ARHGEF4: variants seen among roughly 807,000 people sequenced by gnomAD.
ARHGEF4 encodes Rho guanine nucleotide exchange factor 4, also known as APC-stimulated guanine nucleotide exchange factor 1.
Under a neutral mutation model 162.0 loss-of-function variants are expected in ARHGEF4, and 119 were observed. The ratio of observed to expected loss-of-function variants is 0.73; its 90% CI spans 0.63 to 0.86. The LOEUF (loss-of-function observed/expected upper bound fraction) is 0.86, where lower values mean the gene tolerates loss of function less well. Ranked by LOEUF, ARHGEF4 falls within the 40% of genes least tolerant of loss-of-function variation. The probability of loss-of-function intolerance (pLI) is 0.00; values close to 1 mark genes in which losing one functional copy is unlikely to be tolerated. For missense variants in ARHGEF4, 2,488 were observed against 2,456.0 expected (o/e 1.01, Z -0.28); for synonymous variants, 1,014 against 979.9 (o/e 1.03, Z -0.65).
chr2:130,875,264 C>T (rs370706049), intron 1 of ARHGEF4, among the ~76,000 whole-genome samples: 9 of 152,152 alleles, frequency 5.9e-5, no homozygotes, highest in African/African-American at 1.7e-4. Flanking sequence ...ATCTACAGAT[C>T]GATGGCCCCA....
At chr2:130,903,310 G>A (rs556270625) in intron 1 of ARHGEF4, among the ~76,000 whole-genome samples, 1 of 150,660 alleles carries the variant, frequency 6.6e-6, no homozygotes, top group African/African-American at 2.4e-5. Flanking sequence ...CCAGGCTAGA[G>A]TGCAGTGGCG....
At chr2:130,901,179 G>A (rs1396387933) in intron 1 of ARHGEF4, among the ~76,000 whole-genome samples, 1 of 152,174 alleles carries the variant, frequency 6.6e-6, no homozygotes, top group Non-Finnish European at 1.5e-5. Flanking sequence ...CTTCTCCACT[G>A]TTGGGTGGAG....
chr2:130,979,500 C>T (rs1685969927), intron 4 of ARHGEF4, among the ~76,000 whole-genome samples: 1 of 152,030 alleles, frequency 6.6e-6, no homozygotes, highest in Admixed American at 6.6e-5. Context: ...CTTTGGGAGG[C>T]CGAGGTGGGC....
intron 5 of ARHGEF4, chr2:131,034,963 G>A: frequency 2.0e-6 from 2 of 983,144 alleles, no homozygotes; most frequent in Non-Finnish European, 2.4e-6. Context: ...CGCGCACGGC[G>A]CCGGCTTCGC....
At chr2:130,940,817 G>A (rs1013754686) in intron 3 of ARHGEF4, among the ~76,000 whole-genome samples, 1 of 138,462 alleles carries the variant, frequency 7.2e-6, no homozygotes, top group African/African-American at 2.7e-5. Flanking sequence ...GGGTGACAGA[G>A]CGAGACTCCG....
At chr2:131,040,548 G>A in intron 8 of ARHGEF4, 108 bp downstream of exon 8, 1 of 1,275,898 alleles carries the variant, frequency 7.8e-7, no homozygotes, top group Non-Finnish European at 1.1e-6. Context: ...CACAACGCCT[G>A]GGCCCCAGCT....
At chr2:131,035,851 TG>T in intron 5 of ARHGEF4, 3 of 985,118 alleles carry the variant, frequency 3.0e-6, no homozygotes, top group Non-Finnish European at 3.6e-6. Flanking sequence ...GTGGGCAGGG[TG>T]GGGAGGGCAG....
chr2:130,850,542 C>A (rs1245613470), intron 1 of ARHGEF4, among the ~76,000 whole-genome samples: 1 of 152,222 alleles, frequency 6.6e-6, no homozygotes, highest in Non-Finnish European at 1.5e-5. Flanking sequence ...TGCCCAACAC[C>A]TCCCCCCTGC....
chr2:130,903,608 C>A (rs1680641212), intron 1 of ARHGEF4, among the ~76,000 whole-genome samples: 1 of 152,124 alleles, frequency 6.6e-6, no homozygotes. Flanking sequence ...TTACATGTTG[C>A]ATGACGCTGA....
At chr2:130,967,984 C>T (rs1201209379) in intron 4 of ARHGEF4, among the ~76,000 whole-genome samples, 1 of 152,178 alleles carries the variant, frequency 6.6e-6, no homozygotes, top group Non-Finnish European at 1.5e-5. Context: ...TTCCCCAAGC[C>T]TTGGTGTTCA....
In ARHGEF4 at chr2:130,916,063, G is replaced by T; in HGVS notation, c.2117G>T (p.Arg706Leu). The change falls in exon 2 of 14, where the codon CGG becomes CTG. Residue 706 changes from arginine to leucine, a missense_variant. Coordinates refer to ENST00000409359, the MANE Select transcript of ARHGEF4 (RefSeq NM_001367493.1). ...GGAGCTGGCGATGGGGCTCTTCAGC[G>T]GGTGGCCCAGGCCGCAGAGCTTGGG... Reference protein sequence around the residue: ...IQGAGDGALQRVAQAAELGRV... With the variant: ...IQGAGDGALQLVAQAAELGRV... 3 of 1,550,184 alleles carry T rather than the reference G, an allele frequency of 1.9e-6. No homozygotes were observed. The highest frequency in any genetic ancestry group is 2.7e-5 in the African/African-American group (2 of 73,142).
At chr2:130,846,061 C>G (rs754688969) in intron 1 of ARHGEF4, among the ~76,000 whole-genome samples, 1 of 151,768 alleles carries the variant, frequency 6.6e-6, no homozygotes, top group Non-Finnish European at 1.5e-5. Flanking sequence ...TCGATCAAGC[C>G]AGGCCCACCT....
At chr2:130,990,244 G>A (rs980603186) in intron 4 of ARHGEF4, among the ~76,000 whole-genome samples, 12 of 152,126 alleles carry the variant, frequency 7.9e-5, no homozygotes, top group East Asian at 1.9e-4. Flanking sequence ...CTGTAGCTGA[G>A]GGGAAAATAT....
chr2:130,880,977 CTCTT>C (rs1456157122), intron 1 of ARHGEF4, among the ~76,000 whole-genome samples: 6 of 152,124 alleles, frequency 3.9e-5, no homozygotes, highest in African/African-American at 1.4e-4. Context: ...TTCTGTAAAT[CTCTT>C]TCCTTCTTTG....
chr2:130,912,924 A>G (rs899765716), intron 1 of ARHGEF4, among the ~76,000 whole-genome samples: 33 of 152,348 alleles, frequency 2.2e-4, no homozygotes, highest in African/African-American at 7.2e-4. Flanking sequence ...ACCACTTCAC[A>G]TAACTTTTGT....
chr2:130,978,009 A>T (rs1344390584), intron 4 of ARHGEF4, among the ~76,000 whole-genome samples: 1 of 152,212 alleles, frequency 6.6e-6, no homozygotes, highest in Non-Finnish European at 1.5e-5. Context: ...GGGAGGGGCA[A>T]GGAGGCATCT....
chr2:130,999,160 C>CTTTTTTTT (rs1249587118), intron 4 of ARHGEF4, among the ~76,000 whole-genome samples: 1 of 135,956 alleles, frequency 7.4e-6, no homozygotes, highest in Non-Finnish European at 1.6e-5. Context: ...TTTGTTTTTT[C>CTTTTTTTT]TTTTTTTTTT....
In ARHGEF4 at chr2:130,917,161, C is replaced by A. The variant is rs1025933792; in HGVS notation, c.3215C>A (p.Ser1072Tyr). Residue 1072 changes from serine (S) to tyrosine (Y), a missense_variant, in exon 2 of 14, where the codon TCC becomes TAC. Ser to Tyr is a moderately radical substitution (Grantham distance 144, BLOSUM62 -2). Transcript: ENST00000409359. ...QQAGIAHTLP[S>Y]SSACCLAYEN... ...GCTGGAATCGCACACACCCTGCCTT[C>A]CAGCTCTGCCTGCTGCCTGGCATAT... 1.3e-6 allele frequency: 2 copies of A among 1,550,424 alleles called. No individual in the cohort carries two copies. The highest frequency in any genetic ancestry group is 2.7e-5 in the African/African-American group (2 of 73,038).
intron 4 of ARHGEF4, among the ~76,000 whole-genome samples, chr2:130,950,582 A>C (rs538095267): frequency 6.6e-6 from 1 of 152,126 alleles, no homozygotes; most frequent in Non-Finnish European, 1.5e-5. Flanking sequence ...AGCTATAGTC[A>C]TATACAGTTC....
Sources: gnomAD v4.1 joint callset for allele counts (sites outside exome capture counted in the v4.1 genomes callset) on GRCh38, gnomAD v4.1.1 for gene constraint, MANE v1.5 for transcripts, NCBI Gene and HGNC (gene_info 2026-07-23, HGNC 2026-07-21) for gene names.